The following BBS9 variants were observed in gnomAD, a reference collection of about 807,000 sequenced individuals.
BBS9 encodes the protein protein PTHB1.
Under a neutral mutation model 117.7 loss-of-function variants are expected in BBS9, and 89 were observed. The observed-to-expected ratio is 0.76, with a 90% CI of 0.64 to 0.90. The LOEUF (loss-of-function observed/expected upper bound fraction) is 0.90. BBS9 is among the 40% of genes least tolerant of loss of function. BBS9 has a pLI of 0.00. For missense variants in BBS9, 982 were observed against 1,042.2 expected, an observed-to-expected ratio of 0.94 and a Z score of 0.80; for synonymous variants, 379 against 370.9, an observed-to-expected ratio of 1.02 and a Z score of -0.25.
rs754343745 is a variant in BBS9 at position 33,273,142 on chromosome 7, G to A, written c.833G>A (p.Arg278Gln). Residue 278 changes from arginine (R) to glutamine (Q), a missense_variant, in exon 8 of 23, where the codon CGA (arginine) becomes CAA (glutamine). By Grantham distance (43) the Arg-to-Gln change is conservative. Transcript: ENST00000242067. ...TGCCTTAAGGATAATGGACAAATTC[G>A]ATTCATGAAGAAGCTTGATTGGAGC... is the stretch of plus-strand genomic sequence containing the variant. ...FFCLKDNGQI[R>Q]FMKKLDWSPS... is the part of the protein sequence containing the mutation. The A allele has an allele frequency of 1.5e-5, 25 of 1,613,528 alleles. No individual in the cohort carries two copies. The highest frequency in any genetic ancestry group is 1.0e-4 in the Admixed American group (6 of 59,974).
intron 19 of BBS9, among the ~76,000 whole-genome samples, chr7:33,425,344 A>G (rs538370481): frequency 6.6e-5 from 10 of 152,288 alleles, no homozygotes; most frequent in Non-Finnish European, 1.5e-4. Flanking sequence ...CTTTAAAAAA[A>G]TTTTTTATTT....
intron 1 of BBS9, among the ~76,000 whole-genome samples, chr7:33,131,305 C>T (rs1437714462): frequency 6.6e-6 from 1 of 152,124 alleles, no homozygotes; most frequent in Non-Finnish European, 1.5e-5. Flanking sequence ...CCTCCTCCAC[C>T]CTAGAACAAT....
At chr7:33,482,618 AT>A (rs935842417) in intron 19 of BBS9, among the ~76,000 whole-genome samples, 1 of 152,240 alleles carries the variant, frequency 6.6e-6, no homozygotes, top group Non-Finnish European at 1.5e-5. Context: ...TTTAGAAAGC[AT>A]TTCTTTCAAT....
intron 9 of BBS9, among the ~76,000 whole-genome samples, chr7:33,320,267 ATTG>A (rs2128578574): frequency 6.6e-6 from 1 of 152,066 alleles, no homozygotes; most frequent in South Asian, 2.1e-4. Flanking sequence ...TCTGGTAATC[ATTG>A]TTCTACTCTT....
chr7:33,279,318 C>T (rs573830992), intron 9 of BBS9, among the ~76,000 whole-genome samples: 18 of 152,330 alleles, frequency 1.2e-4, no homozygotes, highest in African/African-American at 4.1e-4. Flanking sequence ...TCAAGTGATC[C>T]TCCCACCTTG....
intron 19 of BBS9, among the ~76,000 whole-genome samples, chr7:33,397,883 A>G (rs1269777309): frequency 1.3e-5 from 2 of 152,118 alleles, no homozygotes; most frequent in Non-Finnish European, 2.9e-5. Flanking sequence ...ATTAATATCT[A>G]GGTGATGGAT....
chr7:33,488,295 T>C (rs951612875), intron 19 of BBS9, among the ~76,000 whole-genome samples: 1 of 152,184 alleles, frequency 6.6e-6, no homozygotes, highest in African/African-American at 2.4e-5. Context: ...AGGAACAAAA[T>C]CTCAGACCAG....
At chr7:33,368,739 A>C (rs1822295416) in intron 17 of BBS9, among the ~76,000 whole-genome samples, 1 of 152,056 alleles carries the variant, frequency 6.6e-6, no homozygotes, top group Admixed American at 6.6e-5. Flanking sequence ...TTGCTTTTCT[A>C]ATAATAAGAG....
At chr7:33,504,510 A>G (rs890287089) in intron 19 of BBS9, among the ~76,000 whole-genome samples, 10 of 152,336 alleles carry the variant, frequency 6.6e-5, no homozygotes, top group African/African-American at 2.2e-4. Flanking sequence ...CATCTGCACC[A>G]GACTTCTGAA....
chr7:33,418,861 T>C (rs1387583593), intron 19 of BBS9, among the ~76,000 whole-genome samples: 1 of 152,234 alleles, frequency 6.6e-6, no homozygotes, highest in East Asian at 1.9e-4. Flanking sequence ...GCCAATCAGA[T>C]GGCAGAACCC....
chr7:33,384,520 T>C (rs959547342), intron 18 of BBS9, among the ~76,000 whole-genome samples: 1 of 152,216 alleles, frequency 6.6e-6, no homozygotes, highest in Non-Finnish European at 1.5e-5. Context: ...GATTTGACAG[T>C]GACAGTCATA....
intron 18 of BBS9, among the ~76,000 whole-genome samples, chr7:33,387,118 A>T (rs1194878202): frequency 2.6e-5 from 4 of 152,098 alleles, no homozygotes; most frequent in African/African-American, 9.7e-5. Flanking sequence ...CAGTTCCCCT[A>T]TTGATGGGAA....
chr7:33,222,706 GGGAGGCTGAGGTGGGTGGATCACTTTA>G (rs1790477104), intron 5 of BBS9, among the ~76,000 whole-genome samples: 1 of 151,892 alleles, frequency 6.6e-6, no homozygotes, highest in Non-Finnish European at 1.5e-5. Context: ...CCAGCACTTT[GGGAGGCTGAGGTGGGTGGATCACTTTA>G]GGCCAGGAGT....
chr7:33,297,383 G>A (rs1055308438), intron 9 of BBS9, among the ~76,000 whole-genome samples: 2 of 152,122 alleles, frequency 1.3e-5, no homozygotes, highest in Non-Finnish European at 2.9e-5. Flanking sequence ...ATAAGTTTCT[G>A]TATGACTAAA....
chr7:33,392,822 T>A (rs1827284118), intron 19 of BBS9, among the ~76,000 whole-genome samples: 1 of 152,196 alleles, frequency 6.6e-6, no homozygotes, highest in African/African-American at 2.4e-5. Context: ...CTATGGACTC[T>A]GAAGATAATT....
At chr7:33,129,415 G>C (rs1789234739), upstream of BBS9, 2 of 295,104 alleles carry the variant, frequency 6.8e-6, no homozygotes, top group Non-Finnish European at 1.2e-5. Context: ...TGGTTCACTC[G>C]AGCCCCGCCC....
intron 19 of BBS9, among the ~76,000 whole-genome samples, chr7:33,396,694 A>G (rs948736320): frequency 3.9e-5 from 6 of 152,208 alleles, no homozygotes; most frequent in Non-Finnish European, 4.4e-5. Context: ...CTGAATAGCC[A>G]AGACAATTGT....
intron 21 of BBS9, among the ~76,000 whole-genome samples, chr7:33,627,665 C>G (rs1865705476): frequency 6.6e-6 from 1 of 152,184 alleles, no homozygotes; most frequent in Non-Finnish European, 1.5e-5. Context: ...ATCAGTGTGG[C>G]CTGGATATGA....
chr7:33,615,623 C>A (rs1052862587), intron 21 of BBS9, among the ~76,000 whole-genome samples: 1 of 151,766 alleles, frequency 6.6e-6, no homozygotes, highest in African/African-American at 2.4e-5. Flanking sequence ...AATGGGAATA[C>A]CAGAAAGAGA....
Sources: allele counts gnomAD v4.1 joint callset (sites outside exome capture counted in the v4.1 genomes callset), GRCh38; gene constraint gnomAD v4.1.1; transcripts MANE v1.5; gene names NCBI Gene and HGNC (gene_info 2026-07-23, HGNC 2026-07-21).